STRBP: variants seen among roughly 807,000 people sequenced by gnomAD.
STRBP encodes the protein spermatid perinuclear RNA-binding protein.
STRBP carries 13 observed loss-of-function variants against 80.1 expected under a neutral mutation model. The ratio of observed to expected loss-of-function variants is 0.16; its 90% CI spans 0.11 to 0.26. The LOEUF is 0.26. STRBP is among the 10% of genes least tolerant of loss of function. The pLI is 1.00. For missense variants in STRBP, 485 were observed against 815.2 expected (o/e 0.59, Z 4.93); for synonymous variants, 284 against 291.2 (o/e 0.98, Z 0.25).
intron 17 of STRBP, among the ~76,000 whole-genome samples, chr9:123,132,403 G>A (rs573605670): frequency 1.3e-5 from 2 of 151,590 alleles, no homozygotes; most frequent in African/African-American, 2.4e-5. Flanking sequence ...TTTTTCCTTT[G>A]TGTATTTCTT....
chr9:123,156,923 G>GA (rs1049551770), intron 11 of STRBP, among the ~76,000 whole-genome samples: 12 of 151,000 alleles, frequency 7.9e-5, no homozygotes, highest in Non-Finnish European at 1.0e-4. Context: ...GAAAGGGAGG[G>GA]AAAAAAAAAT....
intron 9 of STRBP, among the ~76,000 whole-genome samples, 167 bp downstream of exon 9, chr9:123,158,927 AAG>A (rs532257375): frequency 5.1e-4 from 78 of 152,304 alleles, no homozygotes; most frequent in Middle Eastern, 6.8e-3. Flanking sequence ...ATTATTGAAA[AAG>A]AGTTTTATAG....
intron 2 of STRBP, among the ~76,000 whole-genome samples, chr9:123,187,718 A>G (rs998689371): frequency 6.6e-6 from 1 of 152,122 alleles, no homozygotes; most frequent in Admixed American, 6.6e-5. Flanking sequence ...AGTTGAGTGG[A>G]AAGTGGAAAG....
At chr9:123,222,512 A>C (rs1221773425) in intron 2 of STRBP, among the ~76,000 whole-genome samples, 1 of 152,216 alleles carries the variant, frequency 6.6e-6, no homozygotes, top group Non-Finnish European at 1.5e-5. Flanking sequence ...TTTTAAAACC[A>C]TGAGTTCAAC....
rs981683980 is a variant in STRBP, at chr9:123,234,999, G to T, written c.-165+1831C>A. ...TCTGTTCAACTGGCTTTTTTTTTGG[G>T]GGGGGGGGGTACTGGGTATTCAGGT... On this transcript the variant is annotated intron_variant, in intron 2 of 18. Transcript: ENST00000348403. 3.3e-4 allele frequency among the ~76,000 whole-genome samples: 45 copies of T among 135,844 alleles called. 2 individuals are homozygous for T. The South Asian group carries it at 0.012, about 35-fold the overall frequency. 89.1% of individuals were successfully genotyped at this position (135,844 alleles called of 152,430 possible). A position where few individuals can be genotyped will look rare whatever the true frequency, so the allele number is the denominator to read the frequency against.
At chr9:123,216,542 G>A (rs372371125) in intron 2 of STRBP, among the ~76,000 whole-genome samples, 124 of 152,192 alleles carry the variant, frequency 8.1e-4, no homozygotes, top group South Asian at 1.7e-3. Flanking sequence ...AATATATGTC[G>A]TGACCACAGC....
At chr9:123,168,185 T>C (rs1222755208) in intron 6 of STRBP, 1 of 976,582 alleles carries the variant, frequency 1.0e-6, no homozygotes, top group East Asian at 1.1e-4. Flanking sequence ...AGAACACATC[T>C]TACCAGAATT....
rs1197979736 is a variant in STRBP, at chr9:123,123,959, C to T, written c.*1638G>A. The T allele has an allele frequency of 7.1e-6, 7 of 985,270 alleles. No homozygotes were observed. The highest frequency in any genetic ancestry group is 8.4e-6 in the Non-Finnish European group (7 of 829,928). The allele number at this position is 985,270 out of a possible 1,614,324, so 61.0% of individuals were successfully genotyped here. On this transcript the variant is annotated 3_prime_UTR_variant, in exon 19 of 19. Transcript: ENST00000348403. ...TGCACAGGATGAGAATGATAAGTTA[C>T]AGCTATTTCCAGCAAGTGATGAGGT...
At chr9:123,132,358 A>G (rs2036170617) in intron 17 of STRBP, among the ~76,000 whole-genome samples, 1 of 152,208 alleles carries the variant, frequency 6.6e-6, no homozygotes, top group Non-Finnish European at 1.5e-5. Flanking sequence ...TTACATGAAA[A>G]TATCTAGTAT....
intron 2 of STRBP, 144 bp from the exon 3 acceptor site, chr9:123,184,442 C>T (rs2038614832): frequency 4.3e-6 from 1 of 233,212 alleles, no homozygotes; most frequent in African/African-American, 2.2e-5. Context: ...AAAAAGCTAA[C>T]ACATCTTTTG....
chr9:123,221,779 CAA>C (rs2040076754), intron 2 of STRBP, among the ~76,000 whole-genome samples: 1 of 152,176 alleles, frequency 6.6e-6, no homozygotes, highest in African/African-American at 2.4e-5. Flanking sequence ...CTTACTGCAT[CAA>C]GTCAGGGGGT....
intron 6 of STRBP, among the ~76,000 whole-genome samples, chr9:123,162,202 C>T (rs1342319409): frequency 1.3e-5 from 2 of 150,968 alleles, no homozygotes; most frequent in Non-Finnish European, 3.0e-5. Flanking sequence ...CCTATTACAA[C>T]AATCAATGTT....
At chr9:123,256,201 T>C (rs543618551) in intron 1 of STRBP, among the ~76,000 whole-genome samples, 366 of 151,944 alleles carry the variant, frequency 2.4e-3, no homozygotes, top group African/African-American at 8.5e-3. Flanking sequence ...TTTGTTTCTA[T>C]AAAGATGTGG....
In STRBP at chr9:123,123,013, G is replaced by T; in HGVS notation, c.*2584C>A. The stretch of plus-strand genomic sequence containing the variant: ...TGATCAGTCATTGCTTTCAAAAAGA[G>T]GGTGTCAGAGTGGAGTGTCTGAAAG... On this transcript the variant is annotated 3_prime_UTR_variant, in exon 19 of 19. Coordinates refer to ENST00000348403, the MANE Select transcript of STRBP (RefSeq NM_018387.5). 1.0e-6 allele frequency: 1 copy of T among 985,466 alleles called. No individual in the cohort carries two copies. 61.0% of individuals were successfully genotyped at this position (985,466 alleles called of 1,614,324 possible).
intron 6 of STRBP, among the ~76,000 whole-genome samples, chr9:123,165,624 C>T (rs961121900): frequency 2.6e-5 from 4 of 152,160 alleles, no homozygotes; most frequent in African/African-American, 9.7e-5. Context: ...TTATCACCCC[C>T]TTCAATAGCA....
At chr9:123,217,035 C>T (rs2039921714) in intron 2 of STRBP, among the ~76,000 whole-genome samples, 1 of 152,168 alleles carries the variant, frequency 6.6e-6, no homozygotes, top group Non-Finnish European at 1.5e-5. Flanking sequence ...TCTCAAGGTG[C>T]TATGAATCAA....
intron 1 of STRBP, among the ~76,000 whole-genome samples, chr9:123,251,928 G>T (rs181796176): frequency 1.3e-5 from 2 of 152,164 alleles, no homozygotes; most frequent in East Asian, 3.9e-4. Context: ...CATCTCTAAG[G>T]GTGGTAAGCA....
At chr9:123,203,179 CCT>C (rs2039388582) in intron 2 of STRBP, among the ~76,000 whole-genome samples, 1 of 151,624 alleles carries the variant, frequency 6.6e-6, no homozygotes, top group Non-Finnish European at 1.5e-5. Flanking sequence ...ATAACAAGAC[CCT>C]CTCTCTACAA....
At chr9:123,198,371 C>G (rs943859914) in intron 2 of STRBP, among the ~76,000 whole-genome samples, 1 of 152,104 alleles carries the variant, frequency 6.6e-6, no homozygotes, top group Admixed American at 6.5e-5. Context: ...CTCCTGACAT[C>G]AGGTGATCCA....
Sources: allele counts gnomAD v4.1 joint callset (sites outside exome capture counted in the v4.1 genomes callset), GRCh38; gene constraint gnomAD v4.1.1; transcripts MANE v1.5; gene names NCBI Gene and HGNC (gene_info 2026-07-23, HGNC 2026-07-21).